Variants in GDF6 observed in about 807,000 individuals in gnomAD.
GDF6 encodes growth/differentiation factor 6.
Under a neutral mutation model 32.4 loss-of-function variants are expected in GDF6, and 3 were observed. The observed-to-expected ratio is 0.09, with a 90% CI of 0.04 to 0.24. GDF6 has a LOEUF of 0.24. GDF6 is among the 10% of genes least tolerant of loss of function. GDF6 has a pLI of 1.00. For missense variants in GDF6, 589 were observed against 637.9 expected, an observed-to-expected ratio of 0.92 and a Z score of 0.83; for synonymous variants, 296 against 295.3, an observed-to-expected ratio of 1.00 and a Z score of -0.03.
chr8:96,144,703 T>C lies in GDF6; in HGVS notation c.1228A>G (p.Met410Val). 1 of 1,614,160 alleles carries C rather than the reference T, an allele frequency of 6.2e-7. No individual in the cohort carries two copies. Among genetic ancestry groups the C allele is most frequent in the Non-Finnish European group, 8.5e-7 (1 of 1,180,022 alleles). Residue 410 changes from methionine to valine, a missense_variant, in exon 2 of 2, where the codon ATG becomes GTG. By Grantham distance (21) the Met-to-Val change is conservative (BLOSUM62 1). Around this residue, in one of 2 missense-constraint regions of GDF6, gnomAD observed 153 missense variants for 226.7 expected, o/e 0.67. Coordinates refer to ENST00000287020, the MANE Select transcript of GDF6 (RefSeq NM_001001557.4). This position sits in a 1 kb window ranked among gnomAD's most constrained non-coding sequence, Gnocchi z 5.1. ...CTGGGCGGGGTGGAGCCGGGGTCCA[T>C]GGAGTTCATCAGCGTCTGGATGATG... ...HAIIQTLMNS[M>V]DPGSTPPSCC...
chr8:96,155,613 C>A (rs1812648020), intron 1 of GDF6, among the ~76,000 whole-genome samples: 1 of 152,224 alleles, frequency 6.6e-6, no homozygotes, highest in African/African-American at 2.4e-5. Flanking sequence ...CACACTTGAA[C>A]GCTTAGCAAG....
chr8:96,145,693 A>G lies in GDF6; in HGVS notation c.407-169T>C, dbSNP rs1158465575. Among the ~76,000 whole-genome samples, 1 of 152,074 alleles carries G rather than the reference A, an allele frequency of 6.6e-6. No individual in the cohort carries two copies. The highest frequency in any genetic ancestry group is 6.5e-5 in the Admixed American group (1 of 15,282). On this transcript the variant is annotated intron_variant, in intron 1 of 1. Transcript: ENST00000287020. The surrounding 1 kb of genome is among the most constrained non-coding windows in gnomAD (Gnocchi z 5.6). ...CCCCGGCTCCCCATCTGGCTGGTGCATGGCGCGGGGAAGGGGGCGCGCCAG... is the reference window on the plus strand; with the variant it reads ...CCCCGGCTCCCCATCTGGCTGGTGCGTGGCGCGGGGAAGGGGGCGCGCCAG...
At chr8:96,156,360 TTCTC>T (rs1209689434) in intron 1 of GDF6, among the ~76,000 whole-genome samples, 3 of 135,372 alleles carry the variant, frequency 2.2e-5, no homozygotes, top group Non-Finnish European at 4.8e-5. Context: ...GTCAGTCTCT[TTCTC>T]TCTCTCTCTT....
At chr8:96,147,410 C>G (rs1812504749) in intron 1 of GDF6, among the ~76,000 whole-genome samples, 1 of 152,224 alleles carries the variant, frequency 6.6e-6, no homozygotes, top group African/African-American at 2.4e-5. Flanking sequence ...CAGCCTCCAC[C>G]CAGATCTCTG....
chr8:96,150,160 C>A (rs1460358693), intron 1 of GDF6, among the ~76,000 whole-genome samples: 3 of 152,256 alleles, frequency 2.0e-5, no homozygotes, highest in African/African-American at 7.2e-5. Flanking sequence ...GCTCCAACTT[C>A]CCGGACTTGC....
rs1461900438 is a variant in GDF6, at chr8:96,145,180, C to T, written c.751G>A (p.Gly251Arg). ...TCCGGGGGCGGCGGTTGCTGGGGTCCCCGCGCGCGCGCCTCGGCCTCCCCG... is the reference window on the plus strand; with the variant it reads ...TCCGGGGGCGGCGGTTGCTGGGGTCTCCGCGCGCGCGCCTCGGCCTCCCCG... Reference protein sequence around the residue: ...DAGEAEARARGPQQPPPPDLR... With the variant: ...DAGEAEARARRPQQPPPPDLR... The change falls in exon 2 of 2, where the codon GGA (glycine) becomes AGA (arginine). Residue 251 changes from glycine (G) to arginine (R), a missense_variant. By Grantham distance (125) the Gly-to-Arg change is moderately radical. Transcript: ENST00000287020. The surrounding 1 kb of genome is among the most constrained non-coding windows in gnomAD (Gnocchi z 5.6). The T allele has an allele frequency of 6.7e-7, 1 of 1,497,742 alleles. No homozygotes were observed. The highest frequency in any genetic ancestry group is 2.1e-5 in the Admixed American group (1 of 46,784). 92.8% of individuals were successfully genotyped at this position (1,497,742 alleles called of 1,614,324 possible).
Position 96,145,031 on chromosome 8 carries a change from G to A in GDF6, c.900C>T (p.Ala300=). ...CGCCCGCGCCCGGGCCCGCAGCCTCGGCCGAGCCCAGCTGCTCGCGCATCT... is the reference window on the plus strand; with the variant it reads ...CGCCCGCGCCCGGGCCCGCAGCCTCAGCCGAGCCCAGCTGCTCGCGCATCT... ...FAEMREQLGS[A]EAAGPGAGAE... Residue 300 remains alanine (A), a synonymous_variant, in exon 2 of 2, where the codon GCC becomes GCT. Coordinates refer to ENST00000287020, the MANE Select transcript of GDF6 (RefSeq NM_001001557.4). The surrounding 1 kb of genome is among the most constrained non-coding windows in gnomAD (Gnocchi z 5.6). 1 of 1,435,728 alleles carries A rather than the reference G, an allele frequency of 7.0e-7. No individual in the cohort carries two copies. Among genetic ancestry groups the A allele is most frequent in the Non-Finnish European group, 9.1e-7 (1 of 1,095,948 alleles). The allele number at this position is 1,435,728 out of a possible 1,614,324, so 88.9% of individuals were successfully genotyped here. A position where few individuals can be genotyped will look rare whatever the true frequency, so the allele number is the denominator to read the frequency against.
intron 1 of GDF6, among the ~76,000 whole-genome samples, chr8:96,158,006 G>T (rs900855590): frequency 2.2e-4 from 34 of 152,126 alleles, no homozygotes; most frequent in African/African-American, 7.7e-4. Flanking sequence ...ACCCCCGCGC[G>T]GCGTGCGACA....
At chr8:96,153,986 C>T (rs1297834788) in intron 1 of GDF6, among the ~76,000 whole-genome samples, 1 of 152,180 alleles carries the variant, frequency 6.6e-6, no homozygotes, top group Non-Finnish European at 1.5e-5. Flanking sequence ...CCACGCTGAG[C>T]TTCGGAGCGG....
Position 96,160,579 on chromosome 8 carries a change from A to T in GDF6, c.114T>A (p.Gly38=). The T allele has an allele frequency of 1.2e-6, 2 of 1,613,656 alleles. No individual in the cohort carries two copies. Among genetic ancestry groups the T allele is most frequent in the Non-Finnish European group, 1.7e-6 (2 of 1,179,716 alleles). The change falls in exon 1 of 2, where the codon GGT becomes GGA. Residue 38 remains glycine, a synonymous_variant. Transcript: ENST00000287020. ...TGCGGCTTCGCATGCCCTTGGTGGA[A>T]CCCAGCTCGGCGGACGACGAGGAGG... is the stretch of plus-strand genomic sequence containing the variant. ...ISSSSSSAEL[G]STKGMRSRKE...
intron 1 of GDF6, among the ~76,000 whole-genome samples, chr8:96,160,000 C>G (rs572598487): frequency 2.0e-5 from 3 of 152,320 alleles, no homozygotes; most frequent in Non-Finnish European, 4.4e-5. Context: ...ACGTTTCCCC[C>G]ACCAGCCACC....
chr8:96,150,045 C>T (rs762382397), intron 1 of GDF6, among the ~76,000 whole-genome samples: 19 of 152,164 alleles, frequency 1.2e-4, no homozygotes, highest in Non-Finnish European at 2.5e-4. Context: ...TGGGAAGGGC[C>T]TGGCATTGCA....
chr8:96,145,632 C>T lies in GDF6; in HGVS notation c.407-108G>A, dbSNP rs1234421931. 7.2e-7 allele frequency: 1 copy of T among 1,384,054 alleles called. No homozygotes were observed. The highest frequency in any genetic ancestry group is 1.0e-6 in the Non-Finnish European group (1 of 999,804). 85.7% of individuals were successfully genotyped at this position (1,384,054 alleles called of 1,614,324 possible). A position where few individuals can be genotyped will look rare whatever the true frequency, so the allele number is the denominator to read the frequency against. On this transcript the variant is annotated intron_variant, in intron 1 of 1. Coordinates refer to ENST00000287020, the MANE Select transcript of GDF6 (RefSeq NM_001001557.4). The surrounding 1 kb of genome is among the most constrained non-coding windows in gnomAD (Gnocchi z 5.6). Reference sequence around the variant, plus strand: ...GGGCGGGGAGTGGGGGCAGGTCGGCCGGGCAGTCCAGCTTGCCCGGCCCAG... The same window carrying T: ...GGGCGGGGAGTGGGGGCAGGTCGGCTGGGCAGTCCAGCTTGCCCGGCCCAG...
chr8:96,155,148 A>G (rs1014740934), intron 1 of GDF6, among the ~76,000 whole-genome samples: 1 of 151,868 alleles, frequency 6.6e-6, no homozygotes, highest in Non-Finnish European at 1.5e-5. Flanking sequence ...CCCATCGGCA[A>G]CTCCACCGCG....
At chr8:96,154,116 C>G (rs1812617513) in intron 1 of GDF6, among the ~76,000 whole-genome samples, 1 of 152,116 alleles carries the variant, frequency 6.6e-6, no homozygotes, top group Admixed American at 6.5e-5. Context: ...CTGCACCCCA[C>G]TAAAGCCAAT....
chr8:96,152,923 G>A (rs898236673), intron 1 of GDF6, among the ~76,000 whole-genome samples: 4 of 152,164 alleles, frequency 2.6e-5, no homozygotes, highest in African/African-American at 9.7e-5. Context: ...GGATCCCTGG[G>A]AGAAATCCCT....
At position 96,147,493 on chromosome 8, in the gene GDF6, G is replaced by A. The variant is rs568109711; in HGVS notation, c.407-1969C>T. ...GATGAGATGAGAGCAACAAATCTAA[G>A]GCACTTGCTGCACTAGCTAAATGTG... On this transcript the variant is annotated intron_variant, in intron 1 of 1. Transcript: ENST00000287020. Among the ~76,000 whole-genome samples, 3 of 152,316 alleles carry A rather than the reference G, an allele frequency of 2.0e-5. No individual in the cohort carries two copies. In the South Asian group the frequency reaches 6.2e-4, roughly 32 times the overall value.
At chr8:96,150,234 C>T (rs1244746806) in intron 1 of GDF6, among the ~76,000 whole-genome samples, 1 of 152,218 alleles carries the variant, frequency 6.6e-6, no homozygotes, top group Non-Finnish European at 1.5e-5. Flanking sequence ...TGGCTCACAT[C>T]TCTGAGTACG....
chr8:96,160,552 C>T lies in GDF6; in HGVS notation c.141G>A (p.Lys47=). The T allele has an allele frequency of 6.2e-7, 1 of 1,613,636 alleles. No individual in the cohort carries two copies. Among genetic ancestry groups the T allele is most frequent in the Non-Finnish European group, 8.5e-7 (1 of 1,179,706 alleles). ...LGSTKGMRSR[K]EGKMQRAPRD... ...GCGGCGCCCGCTGCATCTTGCCTTC[C>T]TTGCGGCTTCGCATGCCCTTGGTGG... is the stretch of plus-strand genomic sequence containing the variant. The change falls in exon 1 of 2, where the codon AAG becomes AAA. Residue 47 remains lysine (K), a synonymous_variant. Coordinates refer to ENST00000287020, the MANE Select transcript of GDF6 (RefSeq NM_001001557.4).
Sources: gnomAD v4.1 joint callset for allele counts (sites outside exome capture counted in the v4.1 genomes callset) on GRCh38, gnomAD v4.1.1 for gene constraint, gnomAD v4.1.1 regional missense constraint, Gnocchi (gnomAD v3.1) non-coding constraint, MANE v1.5 for transcripts, NCBI Gene and HGNC (gene_info 2026-07-23, HGNC 2026-07-21) for gene names.